TTLL1: variants seen among roughly 807,000 people sequenced by gnomAD.
The protein encoded by TTLL1 is polyglutamylase complex subunit TTLL1.
A neutral mutation model predicts 47.8 loss-of-function variants in TTLL1; 33 were observed. That is an observed-to-expected ratio of 0.69 (90% CI 0.52 to 0.92). The LOEUF (loss-of-function observed/expected upper bound fraction) is 0.92, where lower values mean the gene tolerates loss of function less well. Ranked by LOEUF, TTLL1 falls within the 40% of genes least tolerant of loss-of-function variation. TTLL1 has a pLI of 0.00. For missense variants in TTLL1, 488 were observed against 547.5 expected (o/e 0.89, Z 1.08); for synonymous variants, 225 against 214.1 (o/e 1.05, Z -0.45).
At chr22:43,054,590 A>G (rs1926870899) in intron 8 of TTLL1, among the ~76,000 whole-genome samples, 1 of 151,708 alleles carries the variant, frequency 6.6e-6, no homozygotes, top group Admixed American at 6.6e-5. Context: ...ACACCCAGCT[A>G]ATTTTGTATT....
At chr22:43,062,166 T>C (rs920643197) in intron 7 of TTLL1, among the ~76,000 whole-genome samples, 3 of 151,956 alleles carry the variant, frequency 2.0e-5, no homozygotes, top group African/African-American at 4.8e-5. Flanking sequence ...TATGTCCAGA[T>C]AAACCCATAG....
rs1928435325 is a variant in TTLL1 at position 43,075,583 on chromosome 22, C to A, written c.4G>T (p.Ala2Ser). 1.9e-6 allele frequency: 3 copies of A among 1,613,864 alleles called. No individual in the cohort carries two copies. Among genetic ancestry groups the A allele is most frequent in the African/African-American group, 2.7e-5 (2 of 74,928 alleles). Reference protein sequence around the residue: MAGKVKWVTDIE... With the variant: MSGKVKWVTDIE... ...TCAGTGACCCATTTTACTTTCCCTG[C>A]CATAATCCTGGAAGAGATCAAAATA... The change falls in exon 3 of 11, where the codon GCA (alanine) becomes TCA (serine). Residue 2 changes from alanine (A) to serine (S), a missense_variant. Ala to Ser is a moderately conservative substitution (Grantham distance 99, BLOSUM62 1). Transcript: ENST00000266254.
chr22:43,045,740 C>A (rs1437338300), intron 10 of TTLL1, among the ~76,000 whole-genome samples: 1 of 151,912 alleles, frequency 6.6e-6, no homozygotes, highest in African/African-American at 2.4e-5. Context: ...CGCACTCCAC[C>A]CAGCCTACTC....
At chr22:43,075,692 T>G in intron 2 of TTLL1, 102 bp from the exon 3 acceptor site, 3 of 959,450 alleles carry the variant, frequency 3.1e-6, no homozygotes, top group Non-Finnish European at 5.0e-6. Flanking sequence ...AACTCGATCT[T>G]ACCCCGGCAA....
intron 5 of TTLL1, among the ~76,000 whole-genome samples, chr22:43,066,908 A>C (rs1253304275): frequency 6.6e-6 from 1 of 151,394 alleles, no homozygotes; most frequent in Non-Finnish European, 1.5e-5. Context: ...GATCGCTTGA[A>C]CCTGGGAGGC....
Position 43,059,133 on chromosome 22 carries a change from G to A in TTLL1, c.891+251C>T, listed in dbSNP as rs182814946. Among the ~76,000 whole-genome samples, 7 of 152,122 alleles carry A rather than the reference G, an allele frequency of 4.6e-5. No individual in the cohort carries two copies. The South Asian group carries it at 1.2e-3, about 27-fold the overall frequency. On this transcript the variant is annotated intron_variant, in intron 8 of 10. Transcript: ENST00000266254. Reference sequence around the variant, plus strand: ...GCCTCCCCAGTAGCTGGGATTACACGTGCATGCCACCATGCCCGGCTAATT... The same window carrying A: ...GCCTCCCCAGTAGCTGGGATTACACATGCATGCCACCATGCCCGGCTAATT...
chr22:43,075,004 T>C (rs1406013607), intron 3 of TTLL1, among the ~76,000 whole-genome samples: 5 of 152,066 alleles, frequency 3.3e-5, no homozygotes, highest in Non-Finnish European at 4.4e-5. Flanking sequence ...CCGTCTCTAC[T>C]AAAAACACAA....
intron 7 of TTLL1, among the ~76,000 whole-genome samples, chr22:43,063,394 T>C (rs1927512167): frequency 1.3e-5 from 2 of 151,980 alleles, no homozygotes; most frequent in Admixed American, 1.3e-4. Context: ...CAGGATACTC[T>C]TTGAGTATCA....
intron 9 of TTLL1, among the ~76,000 whole-genome samples, chr22:43,051,108 G>A (rs765691360): frequency 4.6e-5 from 7 of 152,250 alleles, no homozygotes; most frequent in African/African-American, 7.2e-5. Flanking sequence ...TTGGGAGGGC[G>A]TGCAGGGAGA....
chr22:43,058,669 A>C (rs1206212448), intron 8 of TTLL1, among the ~76,000 whole-genome samples: 1 of 152,086 alleles, frequency 6.6e-6, no homozygotes, highest in Non-Finnish European at 1.5e-5. Flanking sequence ...GCAGGCGGCA[A>C]GAAAGTGAAA....
intron 7 of TTLL1, among the ~76,000 whole-genome samples, chr22:43,062,499 A>AAAAAAAG (rs553010365): frequency 0.031 from 4,639 of 150,048 alleles, 316 homozygotes; most frequent in East Asian, 0.26. Flanking sequence ...CTTAAAAAAA[A>AAAAAAAG]AAAAGAAAAG....
rs202141710 is a variant in TTLL1 at position 43,050,513 on chromosome 22, G to T, written c.978+1288C>A. Among the ~76,000 whole-genome samples the T allele has an allele frequency of 1.7e-4, 24 of 144,002 alleles. 1 individual carries two copies. In the South Asian group the frequency reaches 1.8e-3, roughly 11 times the overall value. 94.5% of individuals were successfully genotyped at this position (144,002 alleles called of 152,430 possible). A position where few individuals can be genotyped will look rare whatever the true frequency, so the allele number is the denominator to read the frequency against. ...ATTCAAGTCACTCTGGTTTTTTTTT[G>T]TTTTTTTTTTTGTTTGTTTGTTTTT... On this transcript the variant is annotated intron_variant, in intron 9 of 10. Coordinates refer to ENST00000266254, the MANE Select transcript of TTLL1 (RefSeq NM_012263.5).
At chr22:43,078,882 C>T (rs113327672) in intron 2 of TTLL1, among the ~76,000 whole-genome samples, 2 of 147,034 alleles carry the variant, frequency 1.4e-5, no homozygotes, top group African/African-American at 2.5e-5. Context: ...CCACGGGAGC[C>T]GCACCCCAGA....
intron 1 of TTLL1, among the ~76,000 whole-genome samples, chr22:43,085,768 G>A (rs1273277282): frequency 1.3e-5 from 2 of 152,194 alleles, no homozygotes; most frequent in African/African-American, 4.8e-5. Flanking sequence ...ATAAAAAGAA[G>A]AGGAGAGTGT....
At chr22:43,053,860 T>C (rs1359398309) in intron 8 of TTLL1, among the ~76,000 whole-genome samples, 1 of 152,164 alleles carries the variant, frequency 6.6e-6, no homozygotes, top group Non-Finnish European at 1.5e-5. Context: ...AGAATACAGG[T>C]TTCCTTGATT....
At chr22:43,069,512 C>A (rs553913269) in intron 4 of TTLL1, 124 bp downstream of exon 4, 8 of 1,501,624 alleles carry the variant, frequency 5.3e-6, no homozygotes, top group Non-Finnish European at 7.1e-6. Context: ...GAAACAGGTG[C>A]CACCACAACT....
chr22:43,053,581 G>A (rs1335738313), intron 8 of TTLL1, among the ~76,000 whole-genome samples: 1 of 152,154 alleles, frequency 6.6e-6, no homozygotes, highest in Non-Finnish European at 1.5e-5. Flanking sequence ...CTGCAGGTTT[G>A]GGTTCCTCGG....
At chr22:43,059,628 G>C in intron 7 of TTLL1, 101 bp from the exon 8 acceptor site, 1 of 1,398,660 alleles carries the variant, frequency 7.1e-7, no homozygotes, top group Non-Finnish European at 9.5e-7. Flanking sequence ...TGCCCCCTGG[G>C]TGTGGGCATC....
chr22:43,070,334 A>T, intron 3 of TTLL1: 1 of 589,908 alleles, frequency 1.7e-6, no homozygotes, highest in Non-Finnish European at 2.9e-6. Context: ...GTTGGGGACG[A>T]CAGAGTTGAA....
Sources: allele counts gnomAD v4.1 joint callset (sites outside exome capture counted in the v4.1 genomes callset), GRCh38; gene constraint gnomAD v4.1.1; transcripts MANE v1.5; gene names NCBI Gene and HGNC (gene_info 2026-07-23, HGNC 2026-07-21).